The following CAST variants were observed in gnomAD, a reference collection of about 807,000 sequenced individuals.
The protein encoded by CAST is MIR583 host.
A neutral mutation model predicts 119.6 loss-of-function variants in CAST; 76 were observed. The observed-to-expected ratio is 0.64, with a 90% CI of 0.53 to 0.77. CAST has a LOEUF of 0.77. Ranked by LOEUF, CAST falls within the 30% of genes least tolerant of loss-of-function variation. The pLI is 0.00. For missense variants in CAST, 953 were observed against 946.5 expected, an observed-to-expected ratio of 1.01 and a Z score of -0.09; for synonymous variants, 319 against 331.6, an observed-to-expected ratio of 0.96 and a Z score of 0.41.
At chr5:96,624,319 T>C (rs1454131498) in intron 1 of CAST, among the ~76,000 whole-genome samples, 1 of 152,228 alleles carries the variant, frequency 6.6e-6, no homozygotes, top group African/African-American at 2.4e-5. Flanking sequence ...CACATGGCAT[T>C]GAACAAGTTT....
At chr5:96,627,000 T>C (rs1014997422) in intron 1 of CAST, among the ~76,000 whole-genome samples, 3 of 152,174 alleles carry the variant, frequency 2.0e-5, no homozygotes, top group African/African-American at 7.2e-5. Flanking sequence ...AGAATACAAA[T>C]AAGTATACAG....
the CAST span, among the ~76,000 whole-genome samples, chr5:96,018,326 CA>C: frequency 6.6e-6 from 1 of 152,064 alleles, no homozygotes; most frequent in African/African-American, 2.4e-5. Flanking sequence ...CTCCCAAATG[CA>C]AATTACTTGG....
chr5:96,770,381 C>CA lies in CAST; in HGVS notation c.2269-142dup, dbSNP rs1448935467. 7.8e-5 allele frequency: 46 copies of CA among 589,814 alleles called. 1 individual carries two copies. Among genetic ancestry groups the CA allele is most frequent in the Middle Eastern group, 2.9e-4 (1 of 3,418 alleles). 36.5% of individuals were successfully genotyped at this position (589,814 alleles called of 1,614,324 possible). A position where few individuals can be genotyped will look rare whatever the true frequency, so the allele number is the denominator to read the frequency against. On this transcript the variant is annotated intron_variant, in intron 29 of 31. Coordinates refer to ENST00000675179, the MANE Select transcript of CAST (RefSeq NM_001750.7). The stretch of plus-strand genomic sequence containing the variant: ...TAAACAATTCTCTGACACCGTTGTT[C>CA]AAAAAAAATCATGAAAAAACACCCA...
chr5:96,771,549 G>A (rs1287546125), intron 30 of CAST, 95 bp from the exon 31 acceptor site: 2 of 829,908 alleles, frequency 2.4e-6, no homozygotes, highest in South Asian at 3.5e-5. Flanking sequence ...TTTCCCCACT[G>A]ACTGCCATCT....
the CAST span, among the ~76,000 whole-genome samples, chr5:96,262,678 T>C: frequency 1.2e-4 from 18 of 152,012 alleles, no homozygotes; most frequent in Admixed American, 1.2e-3. Context: ...TACAGGCGCC[T>C]GCCACCACGC....
At chr5:96,027,868 G>C in the CAST span, among the ~76,000 whole-genome samples, 5 of 152,032 alleles carry the variant, frequency 3.3e-5, no homozygotes, top group Non-Finnish European at 5.9e-5. Context: ...GACAACAAAA[G>C]CAACTGCGAC....
At chr5:96,604,806 T>C (rs766443441) in intron 1 of CAST, among the ~76,000 whole-genome samples, 1 of 152,192 alleles carries the variant, frequency 6.6e-6, no homozygotes, top group African/African-American at 2.4e-5. Context: ...TGGCAATCCA[T>C]CAAAGGATGT....
the CAST span, among the ~76,000 whole-genome samples, chr5:96,012,605 A>G: frequency 6.6e-6 from 1 of 152,202 alleles, no homozygotes; most frequent in South Asian, 2.1e-4. Flanking sequence ...TGACATGCAT[A>G]GAGTGTTCAA....
chr5:96,272,000 A>G, the CAST span, among the ~76,000 whole-genome samples: 1 of 152,210 alleles, frequency 6.6e-6, no homozygotes. Context: ...GCCATCAGAT[A>G]TATTTTTTAA....
the CAST span, among the ~76,000 whole-genome samples, chr5:96,147,951 T>C: frequency 3.9e-5 from 6 of 152,226 alleles, no homozygotes; most frequent in Admixed American, 3.9e-4. Context: ...GAAAATGTGG[T>C]ACAGAATATT....
At chr5:96,624,059 C>T (rs1288593420) in intron 1 of CAST, among the ~76,000 whole-genome samples, 1 of 152,188 alleles carries the variant, frequency 6.6e-6, no homozygotes, top group African/African-American at 2.4e-5. Flanking sequence ...CTAAGTAGCA[C>T]TCAAAGTGTT....
At chr5:95,999,235 G>A in the CAST span, among the ~76,000 whole-genome samples, 2 of 152,152 alleles carry the variant, frequency 1.3e-5, no homozygotes, top group South Asian at 4.1e-4. Flanking sequence ...TATGTGACAT[G>A]TGTTTTTTTG....
chr5:96,017,698 T>C, the CAST span, among the ~76,000 whole-genome samples: 21 of 152,118 alleles, frequency 1.4e-4, no homozygotes, highest in African/African-American at 4.6e-4. Flanking sequence ...GGAAATGAGA[T>C]ATAAAAATAT....
chr5:96,497,106 T>G, the CAST span, among the ~76,000 whole-genome samples: 1 of 148,804 alleles, frequency 6.7e-6, no homozygotes. Context: ...TGATAACATG[T>G]GGTGTTTGGT....
intron 3 of CAST, among the ~76,000 whole-genome samples, chr5:96,718,186 A>G (rs1757526147): frequency 6.6e-6 from 1 of 152,316 alleles, no homozygotes; most frequent in East Asian, 1.9e-4. Context: ...GCTAATAAGC[A>G]TTGGAGCAGG....
chr5:96,388,919 G>A, the CAST span, among the ~76,000 whole-genome samples: 3 of 152,022 alleles, frequency 2.0e-5, no homozygotes, highest in East Asian at 5.8e-4. Flanking sequence ...ATGAAATTCA[G>A]CCTTTAAAAG....
At chr5:96,455,310 T>TA in the CAST span, among the ~76,000 whole-genome samples, 4 of 152,194 alleles carry the variant, frequency 2.6e-5, no homozygotes, top group Non-Finnish European at 5.9e-5. Context: ...AATTGTGCAC[T>TA]AAAAAATCAT....
chr5:96,522,152 G>A (rs1745528540), upstream of CAST, among the ~76,000 whole-genome samples: 1 of 152,086 alleles, frequency 6.6e-6, no homozygotes, highest in African/African-American at 2.4e-5. Flanking sequence ...TCAAACCTCT[G>A]TTTATTTAAT....
At chr5:95,990,398 T>C in the CAST span, among the ~76,000 whole-genome samples, 5 of 152,100 alleles carry the variant, frequency 3.3e-5, no homozygotes, top group African/African-American at 1.2e-4. Context: ...ACTAGTATTC[T>C]GAAGTTTTTT....
Sources: gnomAD v4.1 joint callset for allele counts (sites outside exome capture counted in the v4.1 genomes callset) on GRCh38, gnomAD v4.1.1 for gene constraint, MANE v1.5 for transcripts, NCBI Gene and HGNC (gene_info 2026-07-23, HGNC 2026-07-21) for gene names.